Variants in N4BP2 observed in about 807,000 individuals in gnomAD.
N4BP2 encodes NEDD4 binding protein 2.
In N4BP2, 91 loss-of-function variants were observed where a neutral mutation model predicts 152.8. The observed-to-expected ratio is 0.60, with a 90% CI of 0.50 to 0.71. The LOEUF (loss-of-function observed/expected upper bound fraction) is 0.71, where lower values mean the gene tolerates loss of function less well. Ranked by LOEUF, N4BP2 falls within the 30% of genes least tolerant of loss-of-function variation. N4BP2 has a pLI of 0.00. For synonymous variants in N4BP2, 646 were observed against 705.3 expected, an observed-to-expected ratio of 0.92 and a Z score of 1.33; for missense variants, 1,923 against 2,059.1, an observed-to-expected ratio of 0.93 and a Z score of 1.28.
At chr4:40,069,927 A>T (rs867522324) in intron 1 of N4BP2, among the ~76,000 whole-genome samples, 3 of 152,112 alleles carry the variant, frequency 2.0e-5, no homozygotes, top group Non-Finnish European at 4.4e-5. Flanking sequence ...AAAAAAACAA[A>T]AAACAAACAC....
At chr4:40,150,187 A>G (rs1238102289) in intron 16 of N4BP2, among the ~76,000 whole-genome samples, 1 of 152,218 alleles carries the variant, frequency 6.6e-6, no homozygotes, top group Non-Finnish European at 1.5e-5. Flanking sequence ...AAAGAGAGAC[A>G]TCTGGACCTT....
chr4:40,134,880 C>T (rs73144066), intron 13 of N4BP2, among the ~76,000 whole-genome samples: 25,152 of 142,604 alleles, frequency 0.18, 2,590 homozygotes, highest in Middle Eastern at 0.25. Context: ...TCTCTTTCTT[C>T]CTTCCTCCCT....
chr4:40,107,042 G>A lies in N4BP2; in HGVS notation c.1498+18G>A. 2 of 1,609,268 alleles carry A rather than the reference G, an allele frequency of 1.2e-6. No homozygotes were observed. The highest frequency in any genetic ancestry group is 2.2e-5 in the South Asian group (2 of 89,740). ...GAATCGTGGTAAGAACAGATAATCAGATTCTGGGTAACGTTATGAGTAATA... is the reference window on the plus strand; with the variant it reads ...GAATCGTGGTAAGAACAGATAATCAAATTCTGGGTAACGTTATGAGTAATA... On this transcript the variant is annotated intron_variant, in intron 5 of 17. Transcript: ENST00000261435.
chr4:40,174,485 T>G, the N4BP2 span, among the ~76,000 whole-genome samples: 1 of 151,946 alleles, frequency 6.6e-6, no homozygotes, highest in Non-Finnish European at 1.5e-5. Context: ...GGAAACAACC[T>G]AAGTGTGTGT....
the N4BP2 span, among the ~76,000 whole-genome samples, chr4:40,173,614 C>G: frequency 1.3e-5 from 2 of 152,080 alleles, no homozygotes. Flanking sequence ...CAGTGTATTC[C>G]CAAACACACC....
chr4:40,094,639 T>G (rs59701323), intron 2 of N4BP2, among the ~76,000 whole-genome samples: 1 of 152,244 alleles, frequency 6.6e-6, no homozygotes, highest in East Asian at 1.9e-4. Context: ...CAATGCAACC[T>G]CTGCCTCATG....
Position 40,117,857 on chromosome 4 carries a change from T to G in N4BP2, c.1665-12T>G. Reference sequence around the variant, plus strand: ...ATATTCCTTCAACCCTTTTTTCCCCTGGAATTTTCAGGCGTAACATTCATG... The same window carrying G: ...ATATTCCTTCAACCCTTTTTTCCCCGGGAATTTTCAGGCGTAACATTCATG... On this transcript the variant is annotated splice_polypyrimidine_tract_variant and intron_variant, in intron 7 of 17. Coordinates refer to ENST00000261435, the MANE Select transcript of N4BP2 (RefSeq NM_018177.6). 2 of 1,588,308 alleles carry G rather than the reference T, an allele frequency of 1.3e-6. No individual in the cohort carries two copies. The highest frequency in any genetic ancestry group is 1.7e-6 in the Non-Finnish European group (2 of 1,168,948).
intron 14 of N4BP2, among the ~76,000 whole-genome samples, chr4:40,140,293 A>T (rs940490780): frequency 2.0e-5 from 3 of 152,164 alleles, no homozygotes; most frequent in African/African-American, 7.2e-5. Context: ...CCTGGAAAAC[A>T]TGCTGTCATG....
chr4:40,095,406 C>T (rs2109948907), intron 2 of N4BP2, among the ~76,000 whole-genome samples: 1 of 152,290 alleles, frequency 6.6e-6, no homozygotes, highest in East Asian at 1.9e-4. Flanking sequence ...ATGGCCTGAT[C>T]CTTTATCATT....
chr4:40,122,561 A>T (rs1718039160), intron 9 of N4BP2, among the ~76,000 whole-genome samples: 1 of 152,152 alleles, frequency 6.6e-6, no homozygotes, highest in Non-Finnish European at 1.5e-5. Context: ...TTTGATTGTA[A>T]AATTATATTC....
At chr4:40,105,440 T>G (rs1438052874) in intron 4 of N4BP2, among the ~76,000 whole-genome samples, 2 of 151,658 alleles carry the variant, frequency 1.3e-5, no homozygotes, top group African/African-American at 4.8e-5. Context: ...TTCTCCAGCC[T>G]CGGTCTCCTG....
Position 40,154,497 on chromosome 4 carries a change from T to G in N4BP2, c.*260T>G. The stretch of plus-strand genomic sequence containing the variant: ...TGTAAGAAAATTATCAGCTACAGTT[T>G]TAAAGTTTAAAATGCTCTGATTGTT... On this transcript the variant is annotated 3_prime_UTR_variant, in exon 18 of 18. Coordinates refer to ENST00000261435, the MANE Select transcript of N4BP2 (RefSeq NM_018177.6). 2 of 354,894 alleles carry G rather than the reference T, an allele frequency of 5.6e-6. No individual in the cohort carries two copies. The allele number at this position is 354,894 out of a possible 1,614,324, so 22.0% of individuals were successfully genotyped here. A position where few individuals can be genotyped will look rare whatever the true frequency, so the allele number is the denominator to read the frequency against.
the N4BP2 span, among the ~76,000 whole-genome samples, chr4:40,165,675 A>C: frequency 6.6e-6 from 1 of 152,144 alleles, no homozygotes; most frequent in Non-Finnish European, 1.5e-5. Context: ...GTGTGTGTGT[A>C]TATGTATATA....
intron 16 of N4BP2, among the ~76,000 whole-genome samples, chr4:40,147,743 C>T (rs2110043998): frequency 6.6e-6 from 1 of 151,616 alleles, no homozygotes; most frequent in Middle Eastern, 3.4e-3. Flanking sequence ...GGGGTGGCTG[C>T]CGGGCGGAGG....
intron 2 of N4BP2, among the ~76,000 whole-genome samples, chr4:40,086,131 ATTTTTTT>A (rs59899449): frequency 2.3e-5 from 3 of 130,238 alleles, no homozygotes. Context: ...TGCCCGGCTA[ATTTTTTT>A]TTTTTTTTTG....
chr4:40,058,742 G>A (rs1733417889), intron 1 of N4BP2, among the ~76,000 whole-genome samples: 1 of 151,974 alleles, frequency 6.6e-6, no homozygotes, highest in African/African-American at 2.4e-5. Flanking sequence ...GTACACAGTA[G>A]AAGCTAAATA....
At position 40,126,144 on chromosome 4, in the gene N4BP2, G is replaced by C. The variant is rs760748420; in HGVS notation, c.4341G>C (p.Leu1447Phe). ...TATACTACTTTGTAGATCCTTCCTT[G>C]GTTGGACATACTGGGCTTGATAATC... ...SCGKFMQDPS[L>F]VGHTGLDNPE... The change falls in exon 12 of 18, where the codon TTG (leucine) becomes TTC (phenylalanine). Residue 1447 changes from leucine to phenylalanine, a missense_variant. Coordinates refer to ENST00000261435, the MANE Select transcript of N4BP2 (RefSeq NM_018177.6). The C allele has an allele frequency of 2.9e-5, 46 of 1,582,342 alleles. No homozygotes were observed. The highest frequency in any genetic ancestry group is 3.8e-5 in the Non-Finnish European group (44 of 1,168,626).
rs1717985132 is a variant in N4BP2 at position 40,122,100 on chromosome 4, T to A, written c.3989T>A (p.Phe1330Tyr). Residue 1330 changes from phenylalanine (F) to tyrosine (Y), a missense_variant, in exon 9 of 18, where the codon TTT becomes TAT. Coordinates refer to ENST00000261435, the MANE Select transcript of N4BP2 (RefSeq NM_018177.6). The stretch of plus-strand genomic sequence containing the variant: ...GTGAAATTTTCAGATGAAGAAGAAT[T>A]TATGAATGAAGATGAGAAGGAAATG... ...DYVKFSDEEE[F>Y]MNEDEKEMKE... 6.3e-7 allele frequency: 1 copy of A among 1,581,380 alleles called. No homozygotes were observed.
At chr4:40,069,318 A>C (rs937928472) in intron 1 of N4BP2, among the ~76,000 whole-genome samples, 2 of 151,970 alleles carry the variant, frequency 1.3e-5, no homozygotes, top group African/African-American at 4.8e-5. Context: ...TCTTGCCTGT[A>C]ATCCCAGCTA....
Sources: allele counts gnomAD v4.1 joint callset (sites outside exome capture counted in the v4.1 genomes callset), GRCh38; gene constraint gnomAD v4.1.1; transcripts MANE v1.5; gene names NCBI Gene and HGNC (gene_info 2026-07-23, HGNC 2026-07-21).